The following RTN1 variants were observed in gnomAD, a reference collection of about 807,000 sequenced individuals.
RTN1 encodes reticulon-1.
A neutral mutation model predicts 65.5 loss-of-function variants in RTN1; 25 were observed. The observed-to-expected ratio is 0.38, with a 90% confidence interval of 0.28 to 0.53. The LOEUF is 0.53. RTN1 is among the 20% of genes least tolerant of loss of function. RTN1 has a pLI of 0.79. For synonymous variants in RTN1, 471 were observed against 447.6 expected, an observed-to-expected ratio of 1.05 and a Z score of -0.66; for missense variants, 983 against 1,025.4, an observed-to-expected ratio of 0.96 and a Z score of 0.57.
At chr14:59,795,789 T>C (rs1886428525) in intron 1 of RTN1, among the ~76,000 whole-genome samples, 1 of 152,284 alleles carries the variant, frequency 6.6e-6, no homozygotes, top group African/African-American at 2.4e-5. Context: ...CATGTAATTG[T>C]TGCTGATTAA....
chr14:59,768,205 A>C (rs1441681914), intron 1 of RTN1, among the ~76,000 whole-genome samples: 1 of 152,236 alleles, frequency 6.6e-6, no homozygotes, highest in Admixed American at 6.5e-5. Flanking sequence ...TATTCCTAGC[A>C]CAGTACCTAG....
At chr14:59,706,644 A>T (rs184846279) in intron 3 of RTN1, among the ~76,000 whole-genome samples, 121 of 152,348 alleles carry the variant, frequency 7.9e-4, no homozygotes, top group Middle Eastern at 3.4e-3. Context: ...ACACAGACAC[A>T]TAAACACAGA....
intron 4 of RTN1, 51 bp downstream of exon 4, chr14:59,607,234 G>T (rs1881785944): frequency 2.6e-6 from 4 of 1,525,684 alleles, no homozygotes; most frequent in Admixed American, 3.4e-5. Flanking sequence ...ATACAGGTGA[G>T]GGTAAAAGCC....
At chr14:59,753,625 A>T (rs1475323912) in intron 1 of RTN1, among the ~76,000 whole-genome samples, 1 of 152,220 alleles carries the variant, frequency 6.6e-6, no homozygotes, top group Admixed American at 6.5e-5. Context: ...CCTCCTAGAC[A>T]GTAAATTATG....
chr14:59,600,783 T>C lies in RTN1; in HGVS notation c.2288+2282A>G, dbSNP rs542787569. Among the ~76,000 whole-genome samples the C allele has an allele frequency of 2.6e-5, 4 of 152,352 alleles. No homozygotes were observed. The South Asian group carries it at 6.2e-4, about 24-fold the overall frequency. On this transcript the variant is annotated intron_variant, in intron 8 of 8. Transcript: ENST00000267484. ...TCAATTACAGAAGCCATATTAGTCA[T>C]AGGTAACATTTCCTTTCCATTCCTT...
rs1566711199 is a variant in RTN1 at position 59,749,230 on chromosome 14, A to ATATATATC, written c.242-2757_242-2750dup. On this transcript the variant is annotated intron_variant, in intron 1 of 8. Transcript: ENST00000267484. Reference sequence around the variant, plus strand: ...TATATCTATATATATCTATATATCTATATATATCTATATATATCTATATAT... The same window carrying ATATATATC: ...TATATCTATATATATCTATATATCTATATATATCTATATATCTATATATATCTATATAT... 6.4e-5 allele frequency among the ~76,000 whole-genome samples: 3 copies of ATATATATC among 47,002 alleles called. 1 individual carries two copies. Among genetic ancestry groups the ATATATATC allele is most frequent in the Non-Finnish European group, 1.1e-4 (3 of 27,802 alleles). The allele number at this position is 47,002 out of a possible 152,430, so 30.8% of individuals were successfully genotyped here. A position where few individuals can be genotyped will look rare whatever the true frequency, so the allele number is the denominator to read the frequency against.
At chr14:59,773,711 T>C (rs565993083) in intron 1 of RTN1, among the ~76,000 whole-genome samples, 3 of 152,266 alleles carry the variant, frequency 2.0e-5, no homozygotes, top group South Asian at 4.1e-4. Context: ...TAAAAGTGTA[T>C]GGGATACACT....
At chr14:59,652,611 A>G (rs1566673309) in intron 3 of RTN1, among the ~76,000 whole-genome samples, 1 of 152,142 alleles carries the variant, frequency 6.6e-6, no homozygotes, top group Non-Finnish European at 1.5e-5. Flanking sequence ...TCTTACTTTT[A>G]AATTGGAGCT....
chr14:59,855,742 T>G (rs917136570), intron 1 of RTN1, among the ~76,000 whole-genome samples: 1 of 152,200 alleles, frequency 6.6e-6, no homozygotes, highest in African/African-American at 2.4e-5. Context: ...GTGATGAAAC[T>G]CCTGACTCTC....
At chr14:59,710,543 A>G (rs1461685634) in intron 3 of RTN1, among the ~76,000 whole-genome samples, 1 of 152,228 alleles carries the variant, frequency 6.6e-6, no homozygotes, top group Non-Finnish European at 1.5e-5. Context: ...AATGTCCTTG[A>G]GGTGGGCTGT....
intron 3 of RTN1, among the ~76,000 whole-genome samples, chr14:59,610,806 C>T (rs1179922024): frequency 6.6e-6 from 1 of 152,166 alleles, no homozygotes; most frequent in Non-Finnish European, 1.5e-5. Flanking sequence ...AGATTCTGAC[C>T]CTCCCTAAAC....
Position 59,774,637 on chromosome 14 carries a change from A to G in RTN1, c.242-28156T>C, listed in dbSNP as rs910388762. On this transcript the variant is annotated intron_variant, in intron 1 of 8. Coordinates refer to ENST00000267484, the MANE Select transcript of RTN1 (RefSeq NM_021136.3). The surrounding 1 kb of genome is among the most constrained non-coding windows in gnomAD (Gnocchi z 5.1). The stretch of plus-strand genomic sequence containing the variant: ...AACCAATGAAATGTAAGTAATTTTC[A>G]TTTGGAATCTCATATTTATATGTGT... Among the ~76,000 whole-genome samples, 26 of 148,744 alleles carry G rather than the reference A, an allele frequency of 1.7e-4. No homozygotes were observed. The highest frequency in any genetic ancestry group is 6.6e-4 in the African/African-American group (25 of 38,166).
intron 1 of RTN1, among the ~76,000 whole-genome samples, chr14:59,776,543 C>A (rs181256538): frequency 1.3e-3 from 198 of 152,244 alleles, no homozygotes; most frequent in African/African-American, 4.6e-3. Context: ...ATTATAGCAA[C>A]ATGAAATGGG....
intron 3 of RTN1, among the ~76,000 whole-genome samples, chr14:59,617,525 A>G (rs966146185): frequency 1.3e-5 from 2 of 152,174 alleles, no homozygotes; most frequent in African/African-American, 4.8e-5. Flanking sequence ...TAAACAAACC[A>G]TTTCTTGATT....
At chr14:59,854,289 T>C (rs1320232115) in intron 1 of RTN1, among the ~76,000 whole-genome samples, 3 of 152,198 alleles carry the variant, frequency 2.0e-5, no homozygotes, top group African/African-American at 4.8e-5. Flanking sequence ...GTAGTTCAGA[T>C]AGGTTTTCAT....
intron 1 of RTN1, among the ~76,000 whole-genome samples, chr14:59,837,369 A>T (rs1049634476): frequency 1.3e-5 from 2 of 152,054 alleles, no homozygotes; most frequent in Non-Finnish European, 2.9e-5. Context: ...AAAAAATGTG[A>T]ATTTGTTTAA....
intron 5 of RTN1, chr14:59,604,604 GA>G (rs1280027698): frequency 2.0e-5 from 3 of 152,294 alleles, no homozygotes; most frequent in African/African-American, 7.2e-5. Context: ...TGAGGGTCAA[GA>G]CCACATTTTT....
intron 3 of RTN1, among the ~76,000 whole-genome samples, chr14:59,681,823 T>C (rs1337611548): frequency 6.6e-6 from 1 of 152,190 alleles, no homozygotes; most frequent in Admixed American, 6.5e-5. Context: ...TGTTTCTGTC[T>C]CACTGTTCCC....
chr14:59,856,822 AATAGT>A (rs1353833572), intron 1 of RTN1, among the ~76,000 whole-genome samples: 1 of 152,192 alleles, frequency 6.6e-6, no homozygotes, highest in Non-Finnish European at 1.5e-5. Flanking sequence ...GCTTCCTATT[AATAGT>A]ACCTTATAGA....
Sources: allele counts gnomAD v4.1 joint callset (sites outside exome capture counted in the v4.1 genomes callset), GRCh38; gene constraint gnomAD v4.1.1; non-coding constraint Gnocchi (gnomAD v3.1); transcripts MANE v1.5; gene names NCBI Gene and HGNC (gene_info 2026-07-23, HGNC 2026-07-21).